Variants in DGKB observed in about 807,000 individuals in gnomAD.
DGKB encodes diacylglycerol kinase beta.
A neutral mutation model predicts 114.3 loss-of-function variants in DGKB; 67 were observed. That is an observed-to-expected ratio of 0.59 (90% CI 0.48 to 0.72). The LOEUF is 0.72. DGKB is among the 30% of genes least tolerant of loss of function. The pLI is 0.00. For synonymous variants in DGKB, 398 were observed against 323.1 expected (o/e 1.23, Z -2.49); for missense variants, 907 against 975.2 (o/e 0.93, Z 0.93).
At chr7:14,241,554 T>TA in intron 23 of DGKB, among the ~76,000 whole-genome samples, 1 of 152,216 alleles carries the variant, frequency 6.6e-6, no homozygotes, top group Admixed American at 6.5e-5. Flanking sequence ...TTATAAATAC[T>TA]AAATAAAAAT....
chr7:14,967,501 A>G (rs1187586963), intron 1 of DGKB, among the ~76,000 whole-genome samples: 1 of 151,634 alleles, frequency 6.6e-6, no homozygotes, highest in African/African-American at 2.4e-5. Flanking sequence ...TTGTATTTTT[A>G]GTAGAGACGA....
intron 20 of DGKB, among the ~76,000 whole-genome samples, chr7:14,527,067 T>C (rs1234300391): frequency 1.3e-5 from 2 of 152,184 alleles, no homozygotes; most frequent in African/African-American, 4.8e-5. Flanking sequence ...TTGAATTTAC[T>C]GTCATATTTC....
At chr7:14,388,030 C>A (rs1820708411) in intron 21 of DGKB, among the ~76,000 whole-genome samples, 1 of 151,796 alleles carries the variant, frequency 6.6e-6, no homozygotes, top group Non-Finnish European at 1.5e-5. Context: ...CAGGCGCCTG[C>A]CACTGCGCCC....
intron 2 of DGKB, among the ~76,000 whole-genome samples, chr7:14,818,442 G>A (rs1380912091): frequency 6.6e-6 from 1 of 152,144 alleles, no homozygotes; most frequent in African/African-American, 2.4e-5. Flanking sequence ...GCCAGGCTGT[G>A]TGGCCCACTG....
In DGKB at chr7:14,359,760, A is replaced by G. The variant is rs554362535; in HGVS notation, c.1836-14369T>C. 7.2e-5 allele frequency among the ~76,000 whole-genome samples: 11 copies of G among 152,300 alleles called. 1 individual carries two copies. The South Asian group carries it at 2.1e-3, about 29-fold the overall frequency. On this transcript the variant is annotated intron_variant, in intron 21 of 25. Transcript: ENST00000402815. ...CAGAGAAATGCAAATCAAAACCACA[A>G]TGAGATACCATCTCACACTGTTAGA...
intron 23 of DGKB, among the ~76,000 whole-genome samples, chr7:14,183,223 A>G (rs1332338863): frequency 6.6e-5 from 10 of 152,226 alleles, no homozygotes; most frequent in Non-Finnish European, 1.0e-4. Context: ...CAAGGAACAT[A>G]TGAAATCCAT....
chr7:14,531,963 C>T (rs12673540), intron 20 of DGKB, among the ~76,000 whole-genome samples: 72,956 of 150,474 alleles, frequency 0.48, 18,308 homozygotes, highest in East Asian at 0.83. Flanking sequence ...TAATTAGATA[C>T]CAATATGCAA....
In DGKB at chr7:14,513,703, A is replaced by G. The variant is rs531621162; in HGVS notation, c.1771-35478T>C. Among the ~76,000 whole-genome samples, 878 of 152,140 alleles carry G rather than the reference A, an allele frequency of 5.8e-3. 5 individuals are homozygous for G. Among genetic ancestry groups the G allele is most frequent in the Non-Finnish European group, 9.1e-3 (619 of 67,886 alleles). ...AACAATATTTTATTACTAGATTGTG[A>G]ATGTCTTTATATGTAGGAACTATAT... On this transcript the variant is annotated intron_variant, in intron 20 of 25. Coordinates refer to ENST00000402815, the MANE Select transcript of DGKB (RefSeq NM_001350709.2).
At chr7:14,345,501 G>T in intron 21 of DGKB, 110 bp from the exon 22 acceptor site, 1 of 584,578 alleles carries the variant, frequency 1.7e-6, no homozygotes, top group Non-Finnish European at 3.0e-6. Flanking sequence ...CTGAGGACAT[G>T]TGACATCTAA....
intron 19 of DGKB, 56 bp from the exon 20 acceptor site, chr7:14,574,428 T>G (rs1798827368): frequency 7.5e-6 from 11 of 1,476,282 alleles, no homozygotes; most frequent in Non-Finnish European, 1.0e-5. Flanking sequence ...AAAAAAGCTG[T>G]ATTTTTATGT....
Position 14,478,009 on chromosome 7 carries a change from C to T in DGKB, c.1835+152G>A, listed in dbSNP as rs923858679. On this transcript the variant is annotated intron_variant, in intron 21 of 25. Coordinates refer to ENST00000402815, the MANE Select transcript of DGKB (RefSeq NM_001350709.2). ...CTAAGAAAAATTTAATTCATTTATC[C>T]TACCATCTTAATATTTACACACACA... Among the ~76,000 whole-genome samples, 10 of 149,394 alleles carry T rather than the reference C, an allele frequency of 6.7e-5. No individual in the cohort carries two copies. The East Asian group carries it at 7.9e-4, about 12-fold the overall frequency.
At chr7:14,788,662 C>G (rs919223497) in intron 2 of DGKB, among the ~76,000 whole-genome samples, 1 of 152,104 alleles carries the variant, frequency 6.6e-6, no homozygotes, top group African/African-American at 2.4e-5. Flanking sequence ...CCTGATGAGC[C>G]TCTTACTTCC....
intron 25 of DGKB, among the ~76,000 whole-genome samples, chr7:14,163,079 C>T (rs985287296): frequency 6.6e-6 from 1 of 151,840 alleles, no homozygotes; most frequent in Admixed American, 6.6e-5. Context: ...GTCAAGCTCA[C>T]GGGTGTTACA....
At chr7:14,748,316 TAAAG>T (rs914411438) in intron 4 of DGKB, among the ~76,000 whole-genome samples, 3 of 152,094 alleles carry the variant, frequency 2.0e-5, no homozygotes, top group African/African-American at 7.2e-5. Flanking sequence ...AGAAAAAAAA[TAAAG>T]AAGAAAAAGA....
At chr7:14,493,416 G>A (rs1159321969) in intron 20 of DGKB, among the ~76,000 whole-genome samples, 1 of 152,006 alleles carries the variant, frequency 6.6e-6, no homozygotes, top group South Asian at 2.1e-4. Context: ...TAATAAAATA[G>A]AACAATTATC....
intron 21 of DGKB, among the ~76,000 whole-genome samples, chr7:14,472,696 T>G (rs924078431): frequency 3.3e-5 from 5 of 152,146 alleles, no homozygotes; most frequent in Non-Finnish European, 2.9e-5. Context: ...TGAATGGCTT[T>G]GACCAAAATG....
rs143874330 is a variant in DGKB, at chr7:14,530,070, T to C, written c.1770+44142A>G. Among the ~76,000 whole-genome samples, 463 of 151,802 alleles carry C rather than the reference T, an allele frequency of 3.1e-3. 3 individuals carry two copies. Among genetic ancestry groups the C allele is most frequent in the African/African-American group, 0.011 (443 of 41,522 alleles). ...TGTATCATTACTGAAGTATTTCCTT[T>C]GATTGAGAGCTCATTAAAGGTGTCT... On this transcript the variant is annotated intron_variant, in intron 20 of 25. Coordinates refer to ENST00000402815, the MANE Select transcript of DGKB (RefSeq NM_001350709.2).
chr7:14,580,838 CT>C, intron 19 of DGKB, 23 bp downstream of exon 19: 1 of 1,557,548 alleles, frequency 6.4e-7, no homozygotes, highest in Admixed American at 1.8e-5. Context: ...ACTGTTTCTG[CT>C]TTTGTTGTTG....
chr7:14,205,107 A>T (rs1359769444), intron 23 of DGKB, among the ~76,000 whole-genome samples: 1 of 151,976 alleles, frequency 6.6e-6, no homozygotes, highest in Non-Finnish European at 1.5e-5. Context: ...AGCTAGGAAA[A>T]TGTGAAAATA....
Sources: gnomAD v4.1 joint callset for allele counts (sites outside exome capture counted in the v4.1 genomes callset) on GRCh38, gnomAD v4.1.1 for gene constraint, MANE v1.5 for transcripts, NCBI Gene and HGNC (gene_info 2026-07-23, HGNC 2026-07-21) for gene names.